Variants in MTRFR observed in about 807,000 individuals in gnomAD.
MTRFR encodes the protein probable peptide chain release factor C12orf65, mitochondrial.
MTRFR carries 10 observed loss-of-function variants against 11.9 expected under a neutral mutation model. The ratio of observed to expected loss-of-function variants is 0.84; its 90% confidence interval spans 0.52 to 1.42. The LOEUF (loss-of-function observed/expected upper bound fraction) is 1.42, where lower values mean the gene tolerates loss of function less well. MTRFR is among the 40% of genes most tolerant of loss of function. The pLI, the probability that MTRFR is intolerant of heterozygous loss-of-function variation, is 0.00. For synonymous variants in MTRFR, 77 were observed against 79.1 expected, an observed-to-expected ratio of 0.97 and a Z score of 0.14; for missense variants, 196 against 197.9, an observed-to-expected ratio of 0.99 and a Z score of 0.06.
chr12:123,239,978 T>C (rs2047905627), intron 1 of MTRFR, among the ~76,000 whole-genome samples: 1 of 150,026 alleles, frequency 6.7e-6, no homozygotes, highest in Non-Finnish European at 1.5e-5. Context: ...TGTGCCAGAA[T>C]ACTAGCAGCA....
chr12:123,241,395 T>C (rs1014462253), intron 1 of MTRFR, among the ~76,000 whole-genome samples: 1 of 152,194 alleles, frequency 6.6e-6, no homozygotes, highest in African/African-American at 2.4e-5. Context: ...TGGAGCGCAA[T>C]GGCGTGATCT....
rs2048068186 is a variant in MTRFR, at chr12:123,248,188, TTGTC to T, written c.-28-5456_-28-5453del. 5 of 152,054 alleles carry T rather than the reference TTGTC, an allele frequency of 3.3e-5. No homozygotes were observed. In the South Asian group the frequency reaches 1.0e-3, roughly 32 times the overall value. 9.4% of individuals were successfully genotyped at this position (152,054 alleles called of 1,614,324 possible). On this transcript the variant is annotated intron_variant, in intron 1 of 2. Coordinates refer to ENST00000253233, the MANE Select transcript of MTRFR (RefSeq NM_152269.5). ...AATGGTGAATTCTCTCAGCATTTGT[TTGTC>T]TGAAAACAACTATCTTTTCTTCATA...
intron 1 of MTRFR, among the ~76,000 whole-genome samples, chr12:123,244,877 C>G (rs561944731): frequency 1.3e-5 from 2 of 150,218 alleles, no homozygotes; most frequent in Non-Finnish European, 3.0e-5. Flanking sequence ...GTGATCTGCC[C>G]GCCTCAGCCT....
chr12:123,237,193 A>G (rs988581896), intron 1 of MTRFR, among the ~76,000 whole-genome samples: 3 of 152,188 alleles, frequency 2.0e-5, no homozygotes, highest in Non-Finnish European at 2.9e-5. Flanking sequence ...ACTGTGGCTC[A>G]CGCCTGTAAT....
chr12:123,253,615 T>A, intron 1 of MTRFR, 32 bp from the exon 2 acceptor site: 1 of 1,605,958 alleles, frequency 6.2e-7, no homozygotes, highest in Non-Finnish European at 8.5e-7. Flanking sequence ...AGATGCCTCT[T>A]ACTGAAAGCT....
rs529252511 is a variant in MTRFR, at chr12:123,247,010, TGA to T, written c.-28-6635_-28-6634del. ...TCCCAAAGTGCTGGGATTACAGGCG[TGA>T]GCCACCGCTCACGCCTAATTTCAAT... is the stretch of plus-strand genomic sequence containing the variant. On this transcript the variant is annotated intron_variant, in intron 1 of 2. Transcript: ENST00000253233. Among the ~76,000 whole-genome samples the T allele has an allele frequency of 1.5e-4, 23 of 152,192 alleles. No individual in the cohort carries two copies. The South Asian group carries it at 4.6e-3, about 30-fold the overall frequency.
At chr12:123,247,152 A>G (rs993558857) in intron 1 of MTRFR, among the ~76,000 whole-genome samples, 18 of 152,234 alleles carry the variant, frequency 1.2e-4, no homozygotes, top group African/African-American at 4.3e-4. Flanking sequence ...GAAATGTTCT[A>G]TATATATCTG....
At position 123,234,237 on chromosome 12, in the gene MTRFR, T is replaced by C. The variant is rs551507897; in HGVS notation, c.-29+706T>C. On this transcript the variant is annotated intron_variant, in intron 1 of 2. Coordinates refer to ENST00000253233, the MANE Select transcript of MTRFR (RefSeq NM_152269.5). ...CTACTCGATTTACCTCCAGGAGTTC[T>C]GGCTCACAGTAAAGGGACTTCCCTG... is the stretch of plus-strand genomic sequence containing the variant. Among the ~76,000 whole-genome samples, 312 of 152,348 alleles carry C rather than the reference T, an allele frequency of 2.0e-3. 1 individual carries two copies. The highest frequency in any genetic ancestry group is 2.6e-3 in the Non-Finnish European group (178 of 68,030).
intron 1 of MTRFR, chr12:123,249,965 A>G (rs555871746): frequency 5.9e-5 from 9 of 152,330 alleles, no homozygotes; most frequent in African/African-American, 2.2e-4. Context: ...ATTCCCCCAA[A>G]TATGTTTTCC....
chr12:123,246,817 A>G (rs1284506254), intron 1 of MTRFR, among the ~76,000 whole-genome samples: 45 of 122,244 alleles, frequency 3.7e-4, no homozygotes, highest in African/African-American at 1.4e-3. Context: ...TGCAAGCTCC[A>G]CCTCCCGGGT....
At chr12:123,255,426 T>C (rs1398740743) in intron 2 of MTRFR, among the ~76,000 whole-genome samples, 1 of 152,198 alleles carries the variant, frequency 6.6e-6, no homozygotes, top group Non-Finnish European at 1.5e-5. Context: ...CAAACTTGCT[T>C]TCAGAATTAT....
chr12:123,256,219 GGTT>G (rs1380422625), intron 2 of MTRFR, among the ~76,000 whole-genome samples: 1 of 152,126 alleles, frequency 6.6e-6, no homozygotes, highest in Non-Finnish European at 1.5e-5. Context: ...CACACAAAGT[GGTT>G]GTTAACTGGC....
At chr12:123,255,300 A>G (rs2048171247) in intron 2 of MTRFR, among the ~76,000 whole-genome samples, 1 of 152,212 alleles carries the variant, frequency 6.6e-6, no homozygotes, top group Non-Finnish European at 1.5e-5. Flanking sequence ...AGCCACAAGC[A>G]TATCATGTAA....
At chr12:123,256,545 A>G (rs2048183799) in intron 2 of MTRFR, among the ~76,000 whole-genome samples, 1 of 152,082 alleles carries the variant, frequency 6.6e-6, no homozygotes, top group South Asian at 2.1e-4. Context: ...AAAATACAAA[A>G]ATTAACTGGG....
chr12:123,256,883 T>C lies in MTRFR; in HGVS notation c.353T>C (p.Val118Ala), dbSNP rs767743830. ...ARKILQEKVD[V>A]FYNGENSPVH... ...AAAATCCTACAAGAGAAAGTAGATGTTTTCTACAATGGTGAAAACAGTCCT... is the reference window on the plus strand; with the variant it reads ...AAAATCCTACAAGAGAAAGTAGATGCTTTCTACAATGGTGAAAACAGTCCT... Residue 118 changes from valine (V) to alanine (A), a missense_variant, in exon 3 of 3, where the codon GTT becomes GCT. Physicochemically the swap from Val to Ala is moderately conservative, Grantham distance 64 (BLOSUM62 0). Coordinates refer to ENST00000253233, the MANE Select transcript of MTRFR (RefSeq NM_152269.5). 11 of 1,613,704 alleles carry C rather than the reference T, an allele frequency of 6.8e-6. No homozygotes were observed. The highest frequency in any genetic ancestry group is 9.3e-6 in the Non-Finnish European group (11 of 1,179,886).
At chr12:123,256,687 A>G in intron 2 of MTRFR, 126 bp from the exon 3 acceptor site, 1 of 807,376 alleles carries the variant, frequency 1.2e-6, no homozygotes, top group South Asian at 1.5e-5. Context: ...CAAGAACGAA[A>G]CTCTGTCTCA....
chr12:123,241,973 A>G (rs1045296245), intron 1 of MTRFR, among the ~76,000 whole-genome samples: 2 of 152,196 alleles, frequency 1.3e-5, no homozygotes, highest in Admixed American at 1.3e-4. Flanking sequence ...ACTGCTCTAT[A>G]GTATGTTATC....
rs151216628 is a variant in MTRFR, at chr12:123,253,531, C to T, written c.-28-116C>T. The T allele has an allele frequency of 5.1e-4, 510 of 999,868 alleles. 4 individuals carry two copies. In the East Asian group the frequency reaches 0.012, roughly 23 times the overall value. 61.9% of individuals were successfully genotyped at this position (999,868 alleles called of 1,614,324 possible). A position where few individuals can be genotyped will look rare whatever the true frequency, so the allele number is the denominator to read the frequency against. Reference sequence around the variant, plus strand: ...TCTCTACTCATTTCCTAAATTCCCTCGGTAACAGATGGGTCATCATTTGAA... The same window carrying T: ...TCTCTACTCATTTCCTAAATTCCCTTGGTAACAGATGGGTCATCATTTGAA... On this transcript the variant is annotated intron_variant, in intron 1 of 2. Transcript: ENST00000253233.
intron 1 of MTRFR, among the ~76,000 whole-genome samples, chr12:123,244,340 G>C (rs2048000426): frequency 6.6e-6 from 1 of 152,114 alleles, no homozygotes; most frequent in South Asian, 2.1e-4. Context: ...GCCGAGGCAG[G>C]AGAATCACTT....
Sources: gnomAD v4.1 joint callset for allele counts (sites outside exome capture counted in the v4.1 genomes callset) on GRCh38, gnomAD v4.1.1 for gene constraint, MANE v1.5 for transcripts, NCBI Gene and HGNC (gene_info 2026-07-23, HGNC 2026-07-21) for gene names.